COG5: variants seen among roughly 807,000 people sequenced by gnomAD.
COG5 encodes the protein conserved oligomeric Golgi complex subunit 5.
Under a neutral mutation model 110.4 loss-of-function variants are expected in COG5, and 86 were observed. The observed-to-expected ratio is 0.78, with a 90% CI of 0.65 to 0.93. COG5 has a LOEUF of 0.93. COG5 is among the 40% of genes least tolerant of loss of function. The pLI is 0.00. For missense variants in COG5, 1,077 were observed against 987.0 expected, an observed-to-expected ratio of 1.09 and a Z score of -1.22; for synonymous variants, 360 against 334.6, an observed-to-expected ratio of 1.08 and a Z score of -0.83.
chr7:107,515,208 G>A (rs140992914), intron 6 of COG5, among the ~76,000 whole-genome samples: 5 of 152,156 alleles, frequency 3.3e-5, no homozygotes, highest in East Asian at 3.9e-4. Context: ...TGTAGGATAA[G>A]TCAAAAATAG....
chr7:107,270,882 CTTTTTTTTTTTTT>C lies in COG5; in HGVS notation c.1575+10405_1575+10417del, dbSNP rs56971368. Among the ~76,000 whole-genome samples the C allele has an allele frequency of 1.3e-4, 9 of 68,748 alleles. 1 individual carries two copies. In the East Asian group the frequency reaches 1.6e-3, roughly 12 times the overall value. 45.1% of individuals were successfully genotyped at this position (68,748 alleles called of 152,430 possible). A position where few individuals can be genotyped will look rare whatever the true frequency, so the allele number is the denominator to read the frequency against. ...TTATACTTCATTATCCTAACTAGAA[CTTTTTTTTTTTTT>C]TTTTTTTTTTTTTTGTAGAGATGGG... On this transcript the variant is annotated intron_variant, in intron 14 of 21. Transcript: ENST00000297135.
At chr7:107,507,387 G>A (rs1330280671) in intron 6 of COG5, among the ~76,000 whole-genome samples, 12 of 149,396 alleles carry the variant, frequency 8.0e-5, no homozygotes, top group South Asian at 4.2e-4. Flanking sequence ...TCTGCCTCCC[G>A]GGTTCACACC....
chr7:107,469,593 T>C (rs896732799), intron 6 of COG5, among the ~76,000 whole-genome samples: 6 of 152,168 alleles, frequency 3.9e-5, no homozygotes, highest in Non-Finnish European at 8.8e-5. Flanking sequence ...AGAAGATGAC[T>C]TGAATACAAA....
intron 10 of COG5, among the ~76,000 whole-genome samples, chr7:107,345,203 G>A (rs7788330): frequency 5.9e-5 from 9 of 151,902 alleles, no homozygotes; most frequent in African/African-American, 7.3e-5. Flanking sequence ...ATATGGGGGC[G>A]TTCATGGTGC....
intron 7 of COG5, among the ~76,000 whole-genome samples, chr7:107,392,028 T>C (rs1419831816): frequency 6.6e-6 from 1 of 152,004 alleles, no homozygotes; most frequent in African/African-American, 2.4e-5. Flanking sequence ...GAGGTGGAGG[T>C]TGCAGTGAGC....
chr7:107,412,505 A>T lies in COG5; in HGVS notation c.666T>A (p.Thr222=). Residue 222 remains threonine, a synonymous_variant, in exon 7 of 22, where the codon ACT becomes ACA. Transcript: ENST00000297135. ...AAAACAGTCTTATTTTTATTACCTG[A>T]GTCTCCAAACCCTGCTCTAGTAGGC... ...AKRLLEQGLE[T]QNPTQVGTAL... 1.2e-6 allele frequency: 2 copies of T among 1,612,666 alleles called. No homozygotes were observed. The highest frequency in any genetic ancestry group is 2.7e-5 in the African/African-American group (2 of 75,008).
At chr7:107,364,660 T>A (rs541220661) in intron 8 of COG5, among the ~76,000 whole-genome samples, 1 of 152,306 alleles carries the variant, frequency 6.6e-6, no homozygotes, top group African/African-American at 2.4e-5. Flanking sequence ...TCATTCTATA[T>A]CCCTGCTTTT....
At chr7:107,216,937 CAA>C (rs1292421563) in intron 19 of COG5, among the ~76,000 whole-genome samples, 1 of 151,832 alleles carries the variant, frequency 6.6e-6, no homozygotes, top group Admixed American at 6.6e-5. Flanking sequence ...ATCAACAAAA[CAA>C]AGAGTTTTTT....
chr7:107,257,682 T>C (rs1383671711), intron 15 of COG5, among the ~76,000 whole-genome samples: 1 of 152,164 alleles, frequency 6.6e-6, no homozygotes, highest in Admixed American at 6.5e-5. Context: ...GTTGCTTTTT[T>C]AGTAATTAAC....
chr7:107,458,700 T>C (rs1795809382), intron 6 of COG5, among the ~76,000 whole-genome samples: 1 of 151,842 alleles, frequency 6.6e-6, no homozygotes, highest in Admixed American at 6.6e-5. Context: ...TCTACAAAAA[T>C]ACACAAAAAT....
chr7:107,485,154 T>TG (rs2129123821), intron 6 of COG5, among the ~76,000 whole-genome samples: 1 of 152,280 alleles, frequency 6.6e-6, no homozygotes, highest in African/African-American at 2.4e-5. Flanking sequence ...AACAAAAACT[T>TG]GAATAGCCAC....
Position 107,563,916 on chromosome 7 carries a change from A to G in COG5, c.-20T>C. The G allele has an allele frequency of 6.2e-7, 1 of 1,613,272 alleles. No individual in the cohort carries two copies. The highest frequency in any genetic ancestry group is 8.5e-7 in the Non-Finnish European group (1 of 1,179,892). On this transcript the variant is annotated 5_prime_UTR_variant, in exon 1 of 22. Coordinates refer to ENST00000297135, the MANE Select transcript of COG5 (RefSeq NM_006348.5). ...TTCCATGTTGGCAGGTGCCGGGTTG[A>G]TGTCGTCAGCAGCAGAACGGCTCCG... is the stretch of plus-strand genomic sequence containing the variant.
At chr7:107,519,699 G>A (rs186200804) in intron 6 of COG5, among the ~76,000 whole-genome samples, 38 of 152,216 alleles carry the variant, frequency 2.5e-4, no homozygotes, top group Non-Finnish European at 4.1e-4. Context: ...ATTCACAGCC[G>A]AATTCTGCCA....
At chr7:107,220,721 T>C (rs1433204475) in intron 19 of COG5, among the ~76,000 whole-genome samples, 1 of 151,536 alleles carries the variant, frequency 6.6e-6, no homozygotes, top group Non-Finnish European at 1.5e-5. Context: ...AAGAAGTCCC[T>C]CCACCGGGTC....
chr7:107,548,004 T>G, intron 5 of COG5, 107 bp downstream of exon 5: 1 of 922,214 alleles, frequency 1.1e-6, no homozygotes, highest in Non-Finnish European at 1.7e-6. Context: ...TTCTCTTACC[T>G]TCTGTTCCCA....
chr7:107,559,375 A>T (rs1211164248), intron 1 of COG5, among the ~76,000 whole-genome samples: 3 of 152,230 alleles, frequency 2.0e-5, no homozygotes, highest in Non-Finnish European at 4.4e-5. Context: ...TACAGTAGAT[A>T]CAAGTAAAGC....
At chr7:107,413,467 T>C (rs9918725) in intron 6 of COG5, among the ~76,000 whole-genome samples, 17,143 of 151,792 alleles carry the variant, frequency 0.11, 2,297 homozygotes, top group African/African-American at 0.32. Context: ...GTCTATATTA[T>C]TTTAGTTACT....
At position 107,224,503 on chromosome 7, in the gene COG5, C is replaced by T. The variant is rs550883610; in HGVS notation, c.2168+6112G>A. Among the ~76,000 whole-genome samples, 4 of 152,290 alleles carry T rather than the reference C, an allele frequency of 2.6e-5. No homozygotes were observed. In the South Asian group the frequency reaches 8.3e-4, roughly 32 times the overall value. ...GCCTAGCTGGAAATGAGCTTCCAGC[C>T]GAGAAGACTGTGGACATCATCAGGG... On this transcript the variant is annotated intron_variant, in intron 19 of 21. Coordinates refer to ENST00000297135, the MANE Select transcript of COG5 (RefSeq NM_006348.5).
intron 19 of COG5, among the ~76,000 whole-genome samples, chr7:107,218,133 G>C (rs1246114028): frequency 1.3e-5 from 2 of 151,854 alleles, no homozygotes; most frequent in Non-Finnish European, 2.9e-5. Context: ...ATGTACTTAG[G>C]AATAAATTTA....
Sources: allele counts gnomAD v4.1 joint callset (sites outside exome capture counted in the v4.1 genomes callset), GRCh38; gene constraint gnomAD v4.1.1; transcripts MANE v1.5; gene names NCBI Gene and HGNC (gene_info 2026-07-23, HGNC 2026-07-21).